Variants in GLIS1 observed in about 807,000 individuals in gnomAD.
GLIS1 encodes the protein GLIS family zinc finger 1, also known as zinc finger protein GLIS1.
GLIS1 carries 24 observed loss-of-function variants against 63.8 expected under a neutral mutation model. That is an observed-to-expected ratio of 0.38 (90% CI 0.27 to 0.53). GLIS1 has a LOEUF of 0.53. GLIS1 is among the 20% of genes least tolerant of loss of function. The pLI is 0.85. For missense variants in GLIS1, 1,036 were observed against 1,074.1 expected (o/e 0.96, Z 0.50); for synonymous variants, 450 against 482.5 (o/e 0.93, Z 0.88).
intron 2 of GLIS1, among the ~76,000 whole-genome samples, chr1:53,717,573 C>T (rs910094112): frequency 5.9e-5 from 9 of 152,160 alleles, no homozygotes; most frequent in Non-Finnish European, 8.8e-5. Flanking sequence ...CCACTTCACC[C>T]AATACACACA....
chr1:53,666,006 T>C (rs1434801508), intron 2 of GLIS1, among the ~76,000 whole-genome samples: 1 of 151,988 alleles, frequency 6.6e-6, no homozygotes, highest in African/African-American at 2.4e-5. Context: ...TCCTATGAGG[T>C]CAGTACTGCT....
intron 9 of GLIS1, 97 bp from the exon 10 acceptor site, chr1:53,509,384 C>A (rs987637363): frequency 1.6e-5 from 20 of 1,256,174 alleles, no homozygotes; most frequent in Admixed American, 4.4e-5. Context: ...CCCGTGTTGT[C>A]CTGTCCAGGC....
intron 2 of GLIS1, among the ~76,000 whole-genome samples, chr1:53,715,152 G>A (rs1426311634): frequency 6.6e-6 from 1 of 152,184 alleles, no homozygotes; most frequent in Admixed American, 6.5e-5. Flanking sequence ...CTGGGCTCAA[G>A]CCATCTGTCT....
chr1:53,666,077 G>A (rs1403113824), intron 2 of GLIS1, among the ~76,000 whole-genome samples: 1 of 152,182 alleles, frequency 6.6e-6, no homozygotes, highest in Non-Finnish European at 1.5e-5. Flanking sequence ...TAACCAGAAT[G>A]CACGAGGTTA....
chr1:53,536,991 G>C (rs1644587858), intron 4 of GLIS1, among the ~76,000 whole-genome samples: 1 of 152,258 alleles, frequency 6.6e-6, no homozygotes, highest in African/African-American at 2.4e-5. Flanking sequence ...TGAAGCCCCA[G>C]ACCATCTGGA....
chr1:53,567,205 T>A (rs1569840736), intron 4 of GLIS1, among the ~76,000 whole-genome samples: 1 of 152,206 alleles, frequency 6.6e-6, no homozygotes, highest in Non-Finnish European at 1.5e-5. Context: ...GTCATTCTTG[T>A]TATGCTTTAG....
chr1:53,541,246 T>A (rs1644640134), intron 4 of GLIS1, among the ~76,000 whole-genome samples: 1 of 152,214 alleles, frequency 6.6e-6, no homozygotes, highest in South Asian at 2.1e-4. Context: ...TCAGGGCTGC[T>A]CAGAGGGTGC....
intron 4 of GLIS1, among the ~76,000 whole-genome samples, chr1:53,565,647 G>T (rs1644930468): frequency 6.6e-6 from 1 of 151,956 alleles, no homozygotes; most frequent in South Asian, 2.1e-4. Context: ...CTTGGTAGGG[G>T]CAGGCTAACT....
At chr1:53,723,771 T>C (rs1646779565) in intron 2 of GLIS1, among the ~76,000 whole-genome samples, 1 of 151,796 alleles carries the variant, frequency 6.6e-6, no homozygotes, top group Non-Finnish European at 1.5e-5. Flanking sequence ...AAATAAAGAG[T>C]ATTAAATTAA....
chr1:53,633,090 AG>A (rs1553131477), intron 2 of GLIS1, among the ~76,000 whole-genome samples: 1 of 99,690 alleles, frequency 1.0e-5, no homozygotes, highest in South Asian at 4.3e-4. Context: ...CGTGTGAATG[AG>A]TGTGACTGAG....
intron 2 of GLIS1, among the ~76,000 whole-genome samples, chr1:53,716,946 C>T (rs1046644059): frequency 2.0e-5 from 3 of 152,058 alleles, no homozygotes; most frequent in East Asian, 1.9e-4. Context: ...TTTCAGAACA[C>T]GAGAGAGAGA....
intron 2 of GLIS1, among the ~76,000 whole-genome samples, chr1:53,657,566 A>T (rs1410434736): frequency 4.6e-5 from 7 of 152,080 alleles, no homozygotes; most frequent in African/African-American, 1.7e-4. Flanking sequence ...GCCCTGAGCT[A>T]CCACGTGAGA....
rs1435191536 is a variant in GLIS1, at chr1:53,639,723, G to A, written c.260-39445C>T. Among the ~76,000 whole-genome samples the A allele has an allele frequency of 1.3e-5, 2 of 152,106 alleles. No individual in the cohort carries two copies. Among genetic ancestry groups the A allele is most frequent in the African/African-American group, 4.8e-5 (2 of 41,400 alleles). On this transcript the variant is annotated intron_variant, in intron 2 of 10. Transcript: ENST00000628545. This position sits in a 1 kb window ranked among gnomAD's most constrained non-coding sequence, Gnocchi z 4.6. ...TCAGTGAATATTTATAAACCTCCAG[G>A]CTTGGGAAGCCAGTCTCAAGGACCA...
chr1:53,684,148 C>T (rs1236956968), intron 2 of GLIS1, among the ~76,000 whole-genome samples: 1 of 152,064 alleles, frequency 6.6e-6, no homozygotes, highest in East Asian at 1.9e-4. Flanking sequence ...GTGTCCATGT[C>T]TCCCTCAGAT....
At chr1:53,718,613 T>A (rs2100543862) in intron 2 of GLIS1, among the ~76,000 whole-genome samples, 1 of 152,228 alleles carries the variant, frequency 6.6e-6, no homozygotes, top group Admixed American at 6.5e-5. Flanking sequence ...CAGAGGGTGC[T>A]ACAGAAACAG....
chr1:53,692,272 G>T (rs1226456672), intron 2 of GLIS1, among the ~76,000 whole-genome samples: 2 of 152,156 alleles, frequency 1.3e-5, no homozygotes, highest in Non-Finnish European at 2.9e-5. Flanking sequence ...CAGCATCCTG[G>T]AGCTCAACCC....
rs547588084 is a variant in GLIS1, at chr1:53,640,657, C to T, written c.260-40379G>A. 4.6e-5 allele frequency among the ~76,000 whole-genome samples: 7 copies of T among 152,322 alleles called. No individual in the cohort carries two copies. In the South Asian group the frequency reaches 1.2e-3, roughly 27 times the overall value. On this transcript the variant is annotated intron_variant, in intron 2 of 10. Transcript: ENST00000628545. ...CTGTCCTCCACTCCTCCCCAGAGCC[C>T]TGTGACAAGCGCTGTCACTGTGCCC...
intron 2 of GLIS1, among the ~76,000 whole-genome samples, chr1:53,706,834 G>A (rs1418541452): frequency 6.6e-6 from 1 of 152,154 alleles, no homozygotes; most frequent in African/African-American, 2.4e-5. Flanking sequence ...GCAGGAACTC[G>A]GGGTATACTC....
At chr1:53,615,652 T>C (rs531104660) in intron 2 of GLIS1, among the ~76,000 whole-genome samples, 1 of 152,228 alleles carries the variant, frequency 6.6e-6, no homozygotes, top group South Asian at 2.1e-4. Flanking sequence ...AAATTCAAAA[T>C]TTGGGATTTA....
Sources: gnomAD v4.1 joint callset for allele counts (sites outside exome capture counted in the v4.1 genomes callset) on GRCh38, gnomAD v4.1.1 for gene constraint, Gnocchi (gnomAD v3.1) non-coding constraint, MANE v1.5 for transcripts, NCBI Gene and HGNC (gene_info 2026-07-23, HGNC 2026-07-21) for gene names.